GRM4: variants seen among roughly 807,000 people sequenced by gnomAD.
GRM4 encodes the protein metabotropic glutamate receptor 4.
GRM4 carries 28 observed loss-of-function variants against 81.7 expected under a neutral mutation model. That is an observed-to-expected ratio of 0.34 (90% CI 0.25 to 0.47). The LOEUF is 0.47. Among genes scored for constraint, GRM4 ranks in the 20% least tolerant of loss-of-function variants. The pLI is 1.00. For synonymous variants in GRM4, 488 were observed against 528.8 expected (o/e 0.92, Z 1.06); for missense variants, 948 against 1,290.0 (o/e 0.73, Z 4.06).
Position 34,022,831 on chromosome 6 carries a change from T to A in GRM4, c.2729A>T (p.His910Leu), listed in dbSNP as rs146183799. ...AGCTCCATGGACTCGCTAGATTGCA[T>A]GGTTGGTGTAAGTGACGTAAGTCTG... ...TKQTYVTYTN[H>L]AI Residue 910 changes from histidine (H) to leucine (L), a missense_variant, in exon 11 of 11, where the codon CAT (histidine) becomes CTT (leucine). By Grantham distance (99) the His-to-Leu change is moderately conservative. Coordinates refer to ENST00000538487, the MANE Select transcript of GRM4 (RefSeq NM_000841.4). The surrounding 1 kb of genome is among the most constrained non-coding windows in gnomAD (Gnocchi z 5.6). 2.5e-6 allele frequency: 4 copies of A among 1,613,712 alleles called. No homozygotes were observed. In the South Asian group the frequency reaches 4.4e-5, roughly 18 times the overall value.
chr6:34,107,037 G>A (rs973030549), intron 2 of GRM4, among the ~76,000 whole-genome samples: 1 of 152,246 alleles, frequency 6.6e-6, no homozygotes, highest in African/African-American at 2.4e-5. Context: ...GCTGGAGGCT[G>A]GCCCCTCCCT....
rs542710638 is a variant in GRM4, at chr6:34,042,664, C to T, written c.1169-1916G>A. Among the ~76,000 whole-genome samples, 43 of 152,316 alleles carry T rather than the reference C, an allele frequency of 2.8e-4. No individual in the cohort carries two copies. The highest frequency in any genetic ancestry group is 9.9e-4 in the African/African-American group (41 of 41,574). On this transcript the variant is annotated intron_variant, in intron 6 of 10. Transcript: ENST00000538487. The surrounding 1 kb of genome is among the most constrained non-coding windows in gnomAD (Gnocchi z 4.2). Reference sequence around the variant, plus strand: ...TCCCCAGAGGGCAGCAGGGTGCACACCTGCACCTGTGTCCTGCCCCCATAG... The same window carrying T: ...TCCCCAGAGGGCAGCAGGGTGCACATCTGCACCTGTGTCCTGCCCCCATAG...
At chr6:34,087,799 T>TACACACAC (rs71000022) in intron 3 of GRM4, among the ~76,000 whole-genome samples, 24,142 of 88,162 alleles carry the variant, frequency 0.27, 4,427 homozygotes, top group Non-Finnish European at 0.32. Context: ...CATGCACCCC[T>TACACACAC]ACACACACAC....
At chr6:34,141,528 T>A (rs972589371) in intron 1 of GRM4, among the ~76,000 whole-genome samples, 1 of 152,172 alleles carries the variant, frequency 6.6e-6, no homozygotes, top group African/African-American at 2.4e-5. Context: ...TGCCACGAGA[T>A]TGCTAAATGG....
Position 34,133,152 on chromosome 6 carries a change from G to A in GRM4, c.345C>T (p.Ala115=). 4 of 1,614,066 alleles carry A rather than the reference G, an allele frequency of 2.5e-6. No individual in the cohort carries two copies. The highest frequency in any genetic ancestry group is 3.4e-6 in the Non-Finnish European group (4 of 1,179,934). Residue 115 remains alanine (A), a synonymous_variant, in exon 2 of 11, where the codon GCC becomes GCT. Coordinates refer to ENST00000538487, the MANE Select transcript of GRM4 (RefSeq NM_000841.4). This position sits in a 1 kb window ranked among gnomAD's most constrained non-coding sequence, Gnocchi z 6.5. ...GCACAAAGGTCAGCGACTGCTCGAG[G>A]GCATGGGTGTCCCTGGAGCAGGTGT... ...ILDTCSRDTH[A]LEQSLTFVQA...
rs555123643 is a variant in GRM4, at chr6:34,115,406, G to A, written c.519+17572C>T. ...ATTAAAATATCACGGCACCCGCACC[G>A]TCTGCCCGGCCACATGCCCAACTCC... On this transcript the variant is annotated intron_variant, in intron 2 of 10. Coordinates refer to ENST00000538487, the MANE Select transcript of GRM4 (RefSeq NM_000841.4). This position sits in a 1 kb window ranked among gnomAD's most constrained non-coding sequence, Gnocchi z 4.1. 2.6e-5 allele frequency among the ~76,000 whole-genome samples: 4 copies of A among 152,272 alleles called. No individual in the cohort carries two copies. Among genetic ancestry groups the A allele is most frequent in the Admixed American group, 2.6e-4 (4 of 15,304 alleles).
intron 1 of GRM4, among the ~76,000 whole-genome samples, chr6:34,153,702 A>G (rs2018263): frequency 0.46 from 70,521 of 152,048 alleles, 17,392 homozygotes; most frequent in South Asian, 0.57. Flanking sequence ...CCTGACCAAC[A>G]TGGTGAAACC....
At position 34,022,512 on chromosome 6, in the gene GRM4, G is replaced by C. The variant is rs1763927299; in HGVS notation, c.*309C>G. 4.6e-6 allele frequency: 2 copies of C among 436,316 alleles called. No individual in the cohort carries two copies. Among genetic ancestry groups the C allele is most frequent in the Non-Finnish European group, 8.3e-6 (2 of 239,932 alleles). The allele number at this position is 436,316 out of a possible 1,614,324, so 27.0% of individuals were successfully genotyped here. ...ACAGCACAGACAGAGACGAAGGGAG[G>C]GAGAGATCTAGCACTGGGGCCCACA... On this transcript the variant is annotated 3_prime_UTR_variant, in exon 11 of 11. Coordinates refer to ENST00000538487, the MANE Select transcript of GRM4 (RefSeq NM_000841.4). This position sits in a 1 kb window ranked among gnomAD's most constrained non-coding sequence, Gnocchi z 5.6.
chr6:34,116,010 G>C (rs1321463087), intron 2 of GRM4, among the ~76,000 whole-genome samples: 4 of 152,218 alleles, frequency 2.6e-5, no homozygotes, highest in Admixed American at 2.0e-4. Context: ...GGAAATCCCT[G>C]ATTCTGGGGC....
intron 1 of GRM4, among the ~76,000 whole-genome samples, chr6:34,154,407 C>G (rs963781032): frequency 3.3e-5 from 5 of 152,188 alleles, no homozygotes; most frequent in Admixed American, 3.3e-4. Flanking sequence ...AAGCAGCACC[C>G]CTAGTCCAGA....
chr6:34,082,015 C>A (rs1395169347), intron 3 of GRM4, among the ~76,000 whole-genome samples: 1 of 152,014 alleles, frequency 6.6e-6, no homozygotes, highest in African/African-American at 2.4e-5. Context: ...CTGGAAGGAT[C>A]CCTGTCCAAT....
intron 6 of GRM4, among the ~76,000 whole-genome samples, chr6:34,051,786 T>C (rs1484060738): frequency 1.3e-5 from 2 of 152,048 alleles, no homozygotes; most frequent in African/African-American, 4.8e-5. Flanking sequence ...CATCACTTCC[T>C]TGGAAGCCAT....
intron 6 of GRM4, among the ~76,000 whole-genome samples, chr6:34,044,173 TACATACATAC>T (rs1388558090): frequency 1.3e-4 from 16 of 124,358 alleles, no homozygotes; most frequent in African/African-American, 5.5e-4. Flanking sequence ...CACACACATA[TACATACATAC>T]ACATATATAC....
chr6:34,132,856 TC>T, intron 2 of GRM4, 121 bp downstream of exon 2: 2 of 737,052 alleles, frequency 2.7e-6, no homozygotes, highest in Non-Finnish European at 4.4e-6. Context: ...GAAAAAACTG[TC>T]CCTTAGAGTG....
chr6:34,148,707 A>G (rs1581745892), upstream of GRM4, among the ~76,000 whole-genome samples: 2 of 152,196 alleles, frequency 1.3e-5, no homozygotes, highest in East Asian at 3.9e-4. Flanking sequence ...CTTCTGCGCT[A>G]AGAACCATGT....
In GRM4 at chr6:34,069,471, G is replaced by A. The variant is rs1766676600; in HGVS notation, c.737-7443C>T. On this transcript the variant is annotated intron_variant, in intron 3 of 10. Transcript: ENST00000538487. This position sits in a 1 kb window ranked among gnomAD's most constrained non-coding sequence, Gnocchi z 6.4. ...GCTGCTCCAGAGTGAGCTGGGTGCG[G>A]GACACACGAGGGCTGGGCTGGCTCC... Among the ~76,000 whole-genome samples the A allele has an allele frequency of 6.6e-6, 1 of 152,116 alleles. No individual in the cohort carries two copies. Among genetic ancestry groups the A allele is most frequent in the Non-Finnish European group, 1.5e-5 (1 of 68,018 alleles).
chr6:34,118,227 A>G (rs1581715290), intron 2 of GRM4, among the ~76,000 whole-genome samples: 1 of 152,356 alleles, frequency 6.6e-6, no homozygotes, highest in East Asian at 1.9e-4. Flanking sequence ...TATAGCCACC[A>G]TAACAGGAAG....
chr6:34,102,226 G>A (rs2127494520), intron 2 of GRM4: 1 of 1,365,214 alleles, frequency 7.3e-7, no homozygotes, highest in Non-Finnish European at 1.0e-6. Context: ...CTTCCTTTGG[G>A]AGCCCCTGCC....
At chr6:34,032,006 C>T (rs1764454601) in intron 9 of GRM4, among the ~76,000 whole-genome samples, 3 of 152,042 alleles carry the variant, frequency 2.0e-5, no homozygotes, top group South Asian at 2.1e-4. Flanking sequence ...CACACCTCTT[C>T]ACACATGGGT....
Sources: gnomAD v4.1 joint callset for allele counts (sites outside exome capture counted in the v4.1 genomes callset) on GRCh38, gnomAD v4.1.1 for gene constraint, Gnocchi (gnomAD v3.1) non-coding constraint, MANE v1.5 for transcripts, NCBI Gene and HGNC (gene_info 2026-07-23, HGNC 2026-07-21) for gene names.